The following RPGRIP1L variants were observed in gnomAD, a reference collection of about 807,000 sequenced individuals.
RPGRIP1L encodes the protein protein fantom.
In RPGRIP1L, 131 loss-of-function variants were observed where a neutral mutation model predicts 160.4. The observed-to-expected ratio is 0.82, with a 90% CI of 0.71 to 0.94. The LOEUF (loss-of-function observed/expected upper bound fraction) is 0.94. Among genes scored for constraint, RPGRIP1L ranks in the 40% least tolerant of loss-of-function variants. RPGRIP1L has a pLI of 0.00. For missense variants in RPGRIP1L, 1,522 were observed against 1,535.8 expected (o/e 0.99, Z 0.15); for synonymous variants, 510 against 515.8 (o/e 0.99, Z 0.15).
chr16:53,629,837 T>C (rs888692058), intron 22 of RPGRIP1L, among the ~76,000 whole-genome samples: 1 of 152,172 alleles, frequency 6.6e-6, no homozygotes, highest in South Asian at 2.1e-4. Flanking sequence ...ATAGATAATA[T>C]GTAAACGAAC....
At position 53,658,423 on chromosome 16, in the gene RPGRIP1L, T is replaced by A. The variant is rs773395675; in HGVS notation, c.1392A>T (p.Leu464=). The change falls in exon 12 of 27, where the codon CTA becomes CTT. Residue 464 remains leucine, a synonymous_variant. Transcript: ENST00000647211. Reference sequence around the variant, plus strand: ...AAGTTCAGAACCTTACCTTTATAAGTAGGAGAGCTTCACTCAATTCATCAG... The same window carrying A: ...AAGTTCAGAACCTTACCTTTATAAGAAGGAGAGCTTCACTCAATTCATCAG... ...INADELSEAL[L]LIKAQKEQKN... The A allele has an allele frequency of 6.2e-7, 1 of 1,610,910 alleles. No homozygotes were observed. Among genetic ancestry groups the A allele is most frequent in the Non-Finnish European group, 8.5e-7 (1 of 1,177,296 alleles).
At chr16:53,610,827 G>T (rs183924092) in intron 25 of RPGRIP1L, 140 bp downstream of exon 25, 1 of 715,188 alleles carries the variant, frequency 1.4e-6, no homozygotes, top group South Asian at 1.5e-5. Context: ...CAGAGATCCC[G>T]TACTCATTCG....
At chr16:53,648,657 CA>C (rs61381820) in intron 16 of RPGRIP1L, among the ~76,000 whole-genome samples, 1 of 151,510 alleles carries the variant, frequency 6.6e-6, no homozygotes, top group African/African-American at 2.4e-5. Context: ...CACACACACA[CA>C]AAAGTGCATG....
At chr16:53,613,279 G>A (rs1214719976) in intron 24 of RPGRIP1L, among the ~76,000 whole-genome samples, 3 of 151,840 alleles carry the variant, frequency 2.0e-5, no homozygotes, top group African/African-American at 4.8e-5. Context: ...AAGTGAAATT[G>A]CTAGACCATA....
chr16:53,638,186 C>T, intron 20 of RPGRIP1L, 124 bp downstream of exon 20: 1 of 691,212 alleles, frequency 1.4e-6, no homozygotes, highest in Non-Finnish European at 2.6e-6. Flanking sequence ...CTTTCTATTC[C>T]AAGGAAGTCA....
At position 53,652,547 on chromosome 16, in the gene RPGRIP1L, C is replaced by A; in HGVS notation, c.2140G>T (p.Ala714Ser). The A allele has an allele frequency of 6.2e-7, 1 of 1,613,066 alleles. No individual in the cohort carries two copies. The highest frequency in any genetic ancestry group is 8.5e-7 in the Non-Finnish European group (1 of 1,179,136). ...LEKSGRIFCT[A>S]SLIGTKGDIP... is the part of the protein sequence containing the mutation. ...ACATTGTACTTACCAATCAAACTTG[C>A]TGTACAAAATATTCGGCCGCTTTTT... is the stretch of plus-strand genomic sequence containing the variant. Residue 714 changes from alanine to serine, a missense_variant, in exon 15 of 27, where the codon GCA (alanine) becomes TCA (serine). Transcript: ENST00000647211.
intron 24 of RPGRIP1L, among the ~76,000 whole-genome samples, chr16:53,613,634 T>G (rs568761573): frequency 6.6e-6 from 1 of 152,330 alleles, no homozygotes; most frequent in Non-Finnish European, 1.5e-5. Flanking sequence ...TTCTTTTTCT[T>G]TTTTAAACAT....
rs1011627125 is a variant in RPGRIP1L at position 53,598,615 on chromosome 16, C to CT, written c.*3460dup. Reference sequence around the variant, plus strand: ...TTTCTCTTGCTTTGATATTTTCTAGCTTTCTGGTTGACCTAGAGGTTGTTT... The same window carrying CT: ...TTTCTCTTGCTTTGATATTTTCTAGCTTTTCTGGTTGACCTAGAGGTTGTTT... On this transcript the variant is annotated 3_prime_UTR_variant, in exon 27 of 27. Transcript: ENST00000647211. 2 of 152,102 alleles carry CT rather than the reference C, an allele frequency of 1.3e-5. No homozygotes were observed. The highest frequency in any genetic ancestry group is 2.9e-5 in the Non-Finnish European group (2 of 68,002). The allele number at this position is 152,102 out of a possible 1,614,324, so 9.4% of individuals were successfully genotyped here. A position where few individuals can be genotyped will look rare whatever the true frequency, so the allele number is the denominator to read the frequency against.
In RPGRIP1L at chr16:53,619,746, G is replaced by A. The variant is rs35245168; in HGVS notation, c.3433-538C>T. Reference sequence around the variant, plus strand: ...CTTATATTCTGTCATAATATACTTTGTTGAATAAATAATACATTTTCAAGC... The same window carrying A: ...CTTATATTCTGTCATAATATACTTTATTGAATAAATAATACATTTTCAAGC... On this transcript the variant is annotated intron_variant, in intron 23 of 26. Transcript: ENST00000647211. Among the ~76,000 whole-genome samples the A allele has an allele frequency of 5.5e-3, 840 of 152,166 alleles. 8 individuals carry two copies. The highest frequency in any genetic ancestry group is 9.0e-3 in the Non-Finnish European group (609 of 67,958).
rs375752608 is a variant in RPGRIP1L at position 53,671,040 on chromosome 16, T to C, written c.1103+470A>G. 5.3e-5 allele frequency among the ~76,000 whole-genome samples: 8 copies of C among 152,306 alleles called. 1 individual carries two copies. The South Asian group carries it at 1.2e-3, about 24-fold the overall frequency. ...TGAGCCCAGGAAGTTGAGGCTGCAGTGAGCCATGATTGTGCCACTGCACTC... is the reference window on the plus strand; with the variant it reads ...TGAGCCCAGGAAGTTGAGGCTGCAGCGAGCCATGATTGTGCCACTGCACTC... On this transcript the variant is annotated intron_variant, in intron 9 of 26. Transcript: ENST00000647211.
chr16:53,628,390 T>C (rs1410784363), intron 22 of RPGRIP1L: 1 of 152,162 alleles, frequency 6.6e-6, no homozygotes, highest in Non-Finnish European at 1.5e-5. Flanking sequence ...TATTAATTAA[T>C]GGTGATTCTT....
intron 13 of RPGRIP1L, among the ~76,000 whole-genome samples, 190 bp downstream of exon 13, chr16:53,657,263 C>T (rs1332456198): frequency 2.6e-5 from 4 of 151,790 alleles, no homozygotes; most frequent in Non-Finnish European, 4.4e-5. Flanking sequence ...AAAAAAACCC[C>T]ACATTATTTG....
chr16:53,645,001 A>G (rs550824295), intron 17 of RPGRIP1L, among the ~76,000 whole-genome samples: 1 of 152,326 alleles, frequency 6.6e-6, no homozygotes, highest in African/African-American at 2.4e-5. Context: ...GCATACAACA[A>G]TAATTGTTGG....
Position 53,601,970 on chromosome 16 carries a change from C to T in RPGRIP1L, c.*106G>A. 1 of 740,752 alleles carries T rather than the reference C, an allele frequency of 1.3e-6. No individual in the cohort carries two copies. Among genetic ancestry groups the T allele is most frequent in the Non-Finnish European group, 2.4e-6 (1 of 413,568 alleles). The allele number at this position is 740,752 out of a possible 1,614,324, so 45.9% of individuals were successfully genotyped here. ...CCAGGTCTCCCCGCTCCCAGCTTCC[C>T]ATGAATTATAGATTATATACACCAG... is the stretch of plus-strand genomic sequence containing the variant. On this transcript the variant is annotated 3_prime_UTR_variant, in exon 27 of 27. Coordinates refer to ENST00000647211, the MANE Select transcript of RPGRIP1L (RefSeq NM_015272.5).
At chr16:53,683,724 GA>G (rs1969778625) in intron 6 of RPGRIP1L, among the ~76,000 whole-genome samples, 1 of 150,326 alleles carries the variant, frequency 6.7e-6, no homozygotes, top group Non-Finnish European at 1.5e-5. Flanking sequence ...TCCAGAAAGG[GA>G]AAAAATAATT....
intron 19 of RPGRIP1L, 131 bp downstream of exon 19, chr16:53,640,902 T>A: frequency 1.3e-6 from 1 of 750,336 alleles, no homozygotes; most frequent in Admixed American, 2.1e-5. Context: ...CACAAAGCAA[T>A]CACTTTAATG....
chr16:53,634,062 T>TA (rs773899460), intron 22 of RPGRIP1L, among the ~76,000 whole-genome samples: 10 of 152,146 alleles, frequency 6.6e-5, no homozygotes, highest in African/African-American at 2.4e-4. Context: ...AAGATCAAGG[T>TA]GTCAGCAGGT....
intron 22 of RPGRIP1L, among the ~76,000 whole-genome samples, chr16:53,625,585 C>T (rs932792205): frequency 4.0e-5 from 6 of 150,678 alleles, no homozygotes; most frequent in Admixed American, 6.6e-5. Flanking sequence ...TCTGCCCAGC[C>T]GCCATGTCTG....
chr16:53,624,143 C>T (rs1052537314), intron 22 of RPGRIP1L, among the ~76,000 whole-genome samples: 5 of 152,222 alleles, frequency 3.3e-5, no homozygotes, highest in South Asian at 2.1e-4. Flanking sequence ...CCTCCCACCT[C>T]GACCTCTCAA....
Sources: gnomAD v4.1 joint callset for allele counts (sites outside exome capture counted in the v4.1 genomes callset) on GRCh38, gnomAD v4.1.1 for gene constraint, MANE v1.5 for transcripts, NCBI Gene and HGNC (gene_info 2026-07-23, HGNC 2026-07-21) for gene names.